PCDHA10: variants seen among roughly 807,000 people sequenced by gnomAD.
PCDHA10 encodes the protein protocadherin alpha 10.
In PCDHA10, 45 loss-of-function variants were observed where a neutral mutation model predicts 61.2. That is an observed-to-expected ratio of 0.74 (90% CI 0.58 to 0.94). The LOEUF (loss-of-function observed/expected upper bound fraction) is 0.94. PCDHA10 is among the 40% of genes least tolerant of loss of function. The pLI is 0.00. For missense variants in PCDHA10, 1,278 were observed against 1,236.2 expected (o/e 1.03, Z -0.51); for synonymous variants, 602 against 548.8 (o/e 1.10, Z -1.35).
intron 1 of PCDHA10, chr5:140,862,883 G>T: frequency 1.8e-6 from 1 of 566,460 alleles, no homozygotes. Flanking sequence ...ATTAGTGCTG[G>T]AACGACAACT....
At chr5:140,962,667 C>T (rs576054969) in intron 1 of PCDHA10, among the ~76,000 whole-genome samples, 1 of 152,272 alleles carries the variant, frequency 6.6e-6, no homozygotes, top group East Asian at 1.9e-4. Flanking sequence ...TTCATCTTCC[C>T]ATCCACTGGA....
At chr5:140,871,789 AAAT>A (rs2053309848) in intron 1 of PCDHA10, among the ~76,000 whole-genome samples, 1 of 152,254 alleles carries the variant, frequency 6.6e-6, no homozygotes, top group Non-Finnish European at 1.5e-5. Context: ...ACTTGAGTAG[AAAT>A]AATTACTATT....
At chr5:140,966,666 C>T (rs2153748360) in intron 1 of PCDHA10, 7 of 1,259,308 alleles carry the variant, frequency 5.6e-6, no homozygotes, top group Non-Finnish European at 7.2e-6. Context: ...GGGGAGCAGG[C>T]GCAGGGTGGC....
intron 1 of PCDHA10, chr5:140,966,703 G>A: frequency 1.5e-6 from 2 of 1,376,398 alleles, no homozygotes; most frequent in Non-Finnish European, 1.9e-6. Flanking sequence ...CCCGGGCGTG[G>A]GGCACGGCTG....
At chr5:140,903,800 A>T (rs2070614237) in intron 1 of PCDHA10, among the ~76,000 whole-genome samples, 1 of 152,178 alleles carries the variant, frequency 6.6e-6, no homozygotes, top group African/African-American at 2.4e-5. Context: ...GTTGTAATTG[A>T]CAAGTATAGT....
intron 3 of PCDHA10, among the ~76,000 whole-genome samples, chr5:140,997,872 C>G (rs1053678533): frequency 6.6e-6 from 1 of 152,094 alleles, no homozygotes; most frequent in African/African-American, 2.4e-5. Context: ...TGCATGCTTG[C>G]TAGTATTTAT....
chr5:140,881,121 C>G (rs1456322924), intron 1 of PCDHA10, among the ~76,000 whole-genome samples: 4 of 152,122 alleles, frequency 2.6e-5, no homozygotes, highest in Non-Finnish European at 4.4e-5. Flanking sequence ...GATTTTGTGG[C>G]TTGGTAGAGA....
chr5:140,917,817 T>C (rs2078372214), intron 1 of PCDHA10, among the ~76,000 whole-genome samples: 1 of 152,162 alleles, frequency 6.6e-6, no homozygotes, highest in Non-Finnish European at 1.5e-5. Flanking sequence ...TAGTTGAAGT[T>C]GGGTAGTGTG....
In PCDHA10 at chr5:141,011,725, TGCAA is replaced by T. The variant is rs1283017882; in HGVS notation, c.*1792_*1795del. 6.5e-6 allele frequency: 1 copy of T among 153,742 alleles called. No individual in the cohort carries two copies. The highest frequency in any genetic ancestry group is 1.5e-5 in the Non-Finnish European group (1 of 68,032). The allele number at this position is 153,742 out of a possible 1,614,324, so 9.5% of individuals were successfully genotyped here. ...ATACTGACAATATTCCATGAGGGTG[TGCAA>T]GCACAAATTTTACCAATCTGACCTC... On this transcript the variant is annotated 3_prime_UTR_variant, in exon 4 of 4. Coordinates refer to ENST00000307360, the MANE Select transcript of PCDHA10 (RefSeq NM_018901.4).
In PCDHA10 at chr5:140,857,656, G is replaced by C. The variant is rs1269090821; in HGVS notation, c.1608G>C (p.Ala536=). The C allele has an allele frequency of 6.3e-7, 1 of 1,596,806 alleles. No homozygotes were observed. Among genetic ancestry groups the C allele is most frequent in the Non-Finnish European group, 8.6e-7 (1 of 1,167,766 alleles). ...AGCTGCTACAGTTCCAGGTGAGCGC[G>C]CGCGATGGGGGCGTGCCGCCTCTGG... ...ELELLQFQVS[A]RDGGVPPLGS... The change falls in exon 1 of 4, where the codon GCG becomes GCC. Residue 536 remains alanine, a synonymous_variant. Coordinates refer to ENST00000307360, the MANE Select transcript of PCDHA10 (RefSeq NM_018901.4).
intron 1 of PCDHA10, among the ~76,000 whole-genome samples, chr5:140,970,970 T>C (rs1554232920): frequency 1.3e-5 from 2 of 152,170 alleles, no homozygotes; most frequent in African/African-American, 2.4e-5. Flanking sequence ...GATTGTAGAT[T>C]AAGAAAAATG....
chr5:141,009,650 C>G lies in PCDHA10; in HGVS notation c.2560C>G (p.Pro854Ala). Residue 854 changes from proline to alanine, a missense_variant, in exon 4 of 4, where the codon CCT becomes GCT. Transcript: ENST00000307360. The part of the protein sequence containing the change: ...TPEPEAGEVS[P>A]PVGAGVNSNS... ...AGAACCAGAGGCAGGAGAAGTGTCCCCTCCAGTCGGTGCGGGTGTCAACAG... is the reference window on the plus strand; with the variant it reads ...AGAACCAGAGGCAGGAGAAGTGTCCGCTCCAGTCGGTGCGGGTGTCAACAG... 1 of 1,613,886 alleles carries G rather than the reference C, an allele frequency of 6.2e-7. No individual in the cohort carries two copies. Among genetic ancestry groups the G allele is most frequent in the Non-Finnish European group, 8.5e-7 (1 of 1,179,918 alleles).
intron 3 of PCDHA10, among the ~76,000 whole-genome samples, chr5:141,002,755 T>A (rs894161079): frequency 1.3e-5 from 2 of 152,174 alleles, no homozygotes; most frequent in Non-Finnish European, 2.9e-5. Context: ...GACAACCCTG[T>A]GATGTAGACA....
chr5:140,969,450 G>GTA (rs782343162), intron 1 of PCDHA10: 4 of 1,511,552 alleles, frequency 2.6e-6, no homozygotes, highest in Non-Finnish European at 3.6e-6. Flanking sequence ...GGTAAACTGA[G>GTA]TATATATAGT....
chr5:140,910,371 A>G (rs2153514600), intron 1 of PCDHA10, among the ~76,000 whole-genome samples: 1 of 152,246 alleles, frequency 6.6e-6, no homozygotes, highest in South Asian at 2.1e-4. Flanking sequence ...AGCTATGCCC[A>G]CCTTGCCTTT....
chr5:140,890,915 G>A (rs1169684735), intron 1 of PCDHA10, among the ~76,000 whole-genome samples: 4 of 152,116 alleles, frequency 2.6e-5, no homozygotes, highest in African/African-American at 9.7e-5. Flanking sequence ...AGAATAATTT[G>A]AGAGTTTCCT....
intron 1 of PCDHA10, chr5:140,876,529 A>G (rs375358450): frequency 1.2e-5 from 19 of 1,614,034 alleles, no homozygotes; most frequent in Non-Finnish European, 1.5e-5. Context: ...AGTAATGGTT[A>G]CTTCACTGTC....
chr5:140,929,364 A>C (rs782443919), intron 1 of PCDHA10: 3 of 1,521,318 alleles, frequency 2.0e-6, no homozygotes, highest in Admixed American at 2.2e-5. Flanking sequence ...TTTGGCCCGG[A>C]GATGGCTGCT....
chr5:140,966,837 T>C, intron 1 of PCDHA10: 1 of 1,566,152 alleles, frequency 6.4e-7, no homozygotes. Context: ...CCCTGGCTGC[T>C]GCTACTGCCT....
Sources: allele counts gnomAD v4.1 joint callset (sites outside exome capture counted in the v4.1 genomes callset), GRCh38; gene constraint gnomAD v4.1.1; transcripts MANE v1.5; gene names NCBI Gene and HGNC (gene_info 2026-07-23, HGNC 2026-07-21).